Variants in TMEM71 observed in about 807,000 individuals in gnomAD.
TMEM71 encodes the protein transmembrane protein 71.
Under a neutral mutation model 38.0 loss-of-function variants are expected in TMEM71, and 44 were observed. That is an observed-to-expected ratio of 1.16 (90% CI 0.91 to 1.49). The LOEUF (loss-of-function observed/expected upper bound fraction) is 1.49, where lower values mean the gene tolerates loss of function less well. Among genes scored for constraint, TMEM71 ranks in the 40% most tolerant of loss-of-function variants. The pLI, the probability that TMEM71 is intolerant of heterozygous loss-of-function variation, is 0.00. For synonymous variants in TMEM71, 133 were observed against 122.5 expected (o/e 1.09, Z -0.56); for missense variants, 367 against 348.6 (o/e 1.05, Z -0.42).
downstream of TMEM71, among the ~76,000 whole-genome samples, chr8:132,709,584 T>C (rs1826144874): frequency 6.6e-6 from 1 of 152,080 alleles, no homozygotes; most frequent in Non-Finnish European, 1.5e-5. Context: ...GAGATTTTAC[T>C]GCAGAAGAGG....
At chr8:132,720,112 G>A (rs527899206) in intron 7 of TMEM71, among the ~76,000 whole-genome samples, 6 of 152,220 alleles carry the variant, frequency 3.9e-5, no homozygotes, top group South Asian at 2.1e-4. Flanking sequence ...TTCTCACCAC[G>A]TCGTATCAAG....
chr8:132,775,437 C>A, the TMEM71 span: 1 of 385,816 alleles, frequency 2.6e-6, no homozygotes, highest in Non-Finnish European at 4.5e-6. Context: ...TGGCAGCGGA[C>A]CCTGAGCGAG....
chr8:132,745,545 A>C (rs539602471), intron 5 of TMEM71, among the ~76,000 whole-genome samples: 9 of 152,184 alleles, frequency 5.9e-5, no homozygotes, highest in Non-Finnish European at 1.0e-4. Flanking sequence ...ATGAGGCTGC[A>C]GAGAAAAGGG....
chr8:132,724,117 A>T (rs1827000344), intron 6 of TMEM71, among the ~76,000 whole-genome samples: 1 of 152,214 alleles, frequency 6.6e-6, no homozygotes, highest in African/African-American at 2.4e-5. Context: ...TTCTGAGGAA[A>T]CAGGGACAGG....
upstream of TMEM71, among the ~76,000 whole-genome samples, chr8:132,765,280 G>C (rs972235287): frequency 3.3e-5 from 5 of 152,162 alleles, no homozygotes; most frequent in African/African-American, 1.2e-4. Flanking sequence ...GAAGGTCCCC[G>C]AAAGTTAGAC....
intron 5 of TMEM71, among the ~76,000 whole-genome samples, chr8:132,731,544 G>C (rs997840885): frequency 6.6e-6 from 1 of 152,100 alleles, no homozygotes; most frequent in Non-Finnish European, 1.5e-5. Flanking sequence ...TTCACCATAG[G>C]ACAGGGTCCT....
At chr8:132,706,390 T>C (rs1285697340), downstream of TMEM71, among the ~76,000 whole-genome samples, 2 of 152,138 alleles carry the variant, frequency 1.3e-5, no homozygotes, top group African/African-American at 4.8e-5. Context: ...TTTTAAAACA[T>C]CTGTACCTGA....
At chr8:132,762,458 C>A (rs1829314006), upstream of TMEM71, among the ~76,000 whole-genome samples, 2 of 151,976 alleles carry the variant, frequency 1.3e-5, no homozygotes, top group Non-Finnish European at 2.9e-5. Flanking sequence ...GAAGAGCTCA[C>A]ATCAGAAAGA....
chr8:132,716,607 A>G (rs1041001626), intron 7 of TMEM71, among the ~76,000 whole-genome samples: 1 of 152,226 alleles, frequency 6.6e-6, no homozygotes, highest in Non-Finnish European at 1.5e-5. Flanking sequence ...TACATACGGT[A>G]TATGCAAATA....
At chr8:132,727,382 G>A (rs1468776144) in intron 6 of TMEM71, among the ~76,000 whole-genome samples, 2 of 151,138 alleles carry the variant, frequency 1.3e-5, no homozygotes, top group African/African-American at 4.9e-5. Flanking sequence ...TCAGCCTCCC[G>A]AGTAGCTGGG....
the TMEM71 span, among the ~76,000 whole-genome samples, chr8:132,766,015 C>A: frequency 6.6e-6 from 1 of 152,014 alleles, no homozygotes; most frequent in Non-Finnish European, 1.5e-5. Context: ...ATCTCCTGAC[C>A]TCAGGTGATC....
chr8:132,717,742 G>C (rs1424487902), intron 7 of TMEM71, among the ~76,000 whole-genome samples: 1 of 152,080 alleles, frequency 6.6e-6, no homozygotes, highest in Non-Finnish European at 1.5e-5. Flanking sequence ...TCCATTCCTA[G>C]ATATTTAACC....
chr8:132,719,094 A>AT (rs1286215221), intron 7 of TMEM71, among the ~76,000 whole-genome samples: 6 of 152,194 alleles, frequency 3.9e-5, no homozygotes, highest in African/African-American at 1.2e-4. Context: ...CTTGATTTTG[A>AT]TTTTTTGTAT....
In TMEM71 at chr8:132,751,937, CA is replaced by C. The variant is rs781719402; in HGVS notation, c.161del (p.Leu54ArgfsTer35). On this transcript the variant is annotated frameshift_variant, in exon 4 of 10. Transcript: ENST00000677595. LOFTEE classifies it high-confidence loss of function. ...GGCGACAGGTATAGTGGGAGCCTGTCAGGGGATCTATGGAGCCGCATTCAAA... is the reference window on the plus strand; with the variant it reads ...GGCGACAGGTATAGTGGGAGCCTGTCGGGGATCTATGGAGCCGCATTCAAA... ...HSFECGSIDPLTGSHYTCRRS... is the reference protein window; with the variant it reads ...HSFECGSIDPXTGSHYTCRRS... 6.2e-7 allele frequency: 1 copy of C among 1,614,122 alleles called. No individual in the cohort carries two copies. Among genetic ancestry groups the C allele is most frequent in the South Asian group, 1.1e-5 (1 of 91,084 alleles).
At chr8:132,773,409 T>C in the TMEM71 span, among the ~76,000 whole-genome samples, 9 of 152,358 alleles carry the variant, frequency 5.9e-5, no homozygotes, top group African/African-American at 1.9e-4. Context: ...CAAGTTCCAA[T>C]TAAAATGGAA....
intron 9 of TMEM71, 77 bp from the exon 10 acceptor site, chr8:132,711,059 C>T (rs1196105313): frequency 1.4e-5 from 19 of 1,350,286 alleles, no homozygotes; most frequent in African/African-American, 4.5e-5. Context: ...TCACTGCATA[C>T]CCATTTGCGC....
At chr8:132,714,274 AT>A (rs878998666) in intron 7 of TMEM71, 59 bp from the exon 8 acceptor site, 23 of 1,261,882 alleles carry the variant, frequency 1.8e-5, no homozygotes, top group African/African-American at 8.9e-5. Context: ...AACCTGTGTG[AT>A]TTTTTTAGAC....
chr8:132,751,746 T>A, intron 4 of TMEM71, 39 bp downstream of exon 4: 3 of 1,557,002 alleles, frequency 1.9e-6, no homozygotes, highest in Middle Eastern at 2.2e-4. Context: ...AATGGATGGA[T>A]TGGACTTCAG....
the TMEM71 span, among the ~76,000 whole-genome samples, chr8:132,767,045 C>T: frequency 2.6e-5 from 4 of 152,098 alleles, no homozygotes; most frequent in Admixed American, 6.6e-5. Context: ...TATTCTGAAA[C>T]GGAATGATCA....
Sources: gnomAD v4.1 joint callset for allele counts (sites outside exome capture counted in the v4.1 genomes callset) on GRCh38, gnomAD v4.1.1 for gene constraint, MANE v1.5 for transcripts, NCBI Gene and HGNC (gene_info 2026-07-23, HGNC 2026-07-21) for gene names.